The following PRDM2 variants were observed in gnomAD, a reference collection of about 807,000 sequenced individuals.
The protein encoded by PRDM2 is PR/SET domain 2, also known as PR domain zinc finger protein 2.
PRDM2 carries 30 observed loss-of-function variants against 130.0 expected under a neutral mutation model. The observed-to-expected ratio is 0.23, with a 90% CI of 0.17 to 0.31. The LOEUF is 0.31. Among genes scored for constraint, PRDM2 ranks in the 10% least tolerant of loss-of-function variants. The pLI, the probability that PRDM2 is intolerant of heterozygous loss-of-function variation, is 1.00. For synonymous variants in PRDM2, 871 were observed against 782.4 expected (o/e 1.11, Z -1.89); for missense variants, 2,011 against 2,108.4 (o/e 0.95, Z 0.90).
At chr1:13,777,861 G>A (rs1234509927) in intron 7 of PRDM2, among the ~76,000 whole-genome samples, 2 of 151,694 alleles carry the variant, frequency 1.3e-5, no homozygotes, top group East Asian at 3.9e-4. Context: ...TGTCTAGCTT[G>A]AAAAACTTGT....
rs776077953 is a variant in PRDM2, at chr1:13,749,454, C to T, written c.478C>T (p.Arg160Trp). Residue 160 changes from arginine to tryptophan, a missense_variant, in exon 6 of 10, where the codon CGG becomes TGG. By Grantham distance (101) the Arg-to-Trp change is moderately radical (BLOSUM62 -3). This residue lies in a region of PRDM2 where 1,288 missense variants were observed against 1,237.7 expected (regional missense o/e 1.04). Coordinates refer to ENST00000311066, the MANE Select transcript of PRDM2 (RefSeq NM_001393986.1). Reference sequence around the variant, plus strand: ...GATTGAGGAAGAGCGAGCCAGCGCCCGGAGCAAGCGGAGCTCCCCCAAGAG... The same window carrying T: ...GATTGAGGAAGAGCGAGCCAGCGCCTGGAGCAAGCGGAGCTCCCCCAAGAG... ...AAIEEERASA[R>W]SKRSSPKSRK... The T allele has an allele frequency of 2.0e-6, 3 of 1,499,602 alleles. No homozygotes were observed. The highest frequency in any genetic ancestry group is 2.7e-6 in the Non-Finnish European group (3 of 1,111,504). The allele number at this position is 1,499,602 out of a possible 1,614,324, so 92.9% of individuals were successfully genotyped here.
At chr1:13,817,301 A>G (rs1222904397) in intron 9 of PRDM2, among the ~76,000 whole-genome samples, 1 of 152,252 alleles carries the variant, frequency 6.6e-6, no homozygotes, top group African/African-American at 2.4e-5. Context: ...CATTTCAGAC[A>G]AGGGATATGT....
At chr1:13,784,664 C>T (rs934905739) in intron 8 of PRDM2, among the ~76,000 whole-genome samples, 1 of 152,170 alleles carries the variant, frequency 6.6e-6, no homozygotes, top group Admixed American at 6.5e-5. Flanking sequence ...CTCTTCTTTG[C>T]CCCAGTTCAT....
At position 13,816,544 on chromosome 1, in the gene PRDM2, G is replaced by C; in HGVS notation, c.5154G>C (p.Glu1718Asp). The C allele has an allele frequency of 8.1e-6, 13 of 1,614,172 alleles. No homozygotes were observed. The highest frequency in any genetic ancestry group is 1.3e-5 in the African/African-American group (1 of 75,050). The change falls in exon 9 of 10, where the codon GAG becomes GAC. Residue 1718 changes from glutamate (E) to aspartate (D), a missense_variant. Glu to Asp is a conservative substitution (Grantham distance 45, BLOSUM62 2). Coordinates refer to ENST00000311066, the MANE Select transcript of PRDM2 (RefSeq NM_001393986.1). ...AAQFQGPFFKE is the reference protein window; with the variant it reads ...AAQFQGPFFKD ...AGTTCCAGGGACCATTCTTCAAAGA[G>C]TAGACACTCTGGCTGCTCCCTGACA...
intron 4 of PRDM2, among the ~76,000 whole-genome samples, chr1:13,740,496 C>T (rs1386989438): frequency 2.0e-5 from 3 of 152,160 alleles, no homozygotes; most frequent in Non-Finnish European, 4.4e-5. Flanking sequence ...CTACAGTGCA[C>T]CTTCTAGCAT....
At chr1:13,708,898 T>A (rs1001162876) in intron 1 of PRDM2, among the ~76,000 whole-genome samples, 1 of 152,214 alleles carries the variant, frequency 6.6e-6, no homozygotes, top group African/African-American at 2.4e-5. Flanking sequence ...ATCTCCTTAT[T>A]CTTAACGTAT....
rs16852849 is a variant in PRDM2 at position 13,708,508 on chromosome 1, C to G, written c.-65-7033C>G. The stretch of plus-strand genomic sequence containing the variant: ...TACATGGAAACTGTGTTATTAGTAT[C>G]AGATCGTCCCACCTGGAGTAAACTC... On this transcript the variant is annotated intron_variant, in intron 1 of 9. Coordinates refer to ENST00000311066, the MANE Select transcript of PRDM2 (RefSeq NM_001393986.1). Among the ~76,000 whole-genome samples the G allele has an allele frequency of 8.4e-3, 1,276 of 152,198 alleles. 19 individuals are homozygous for G. The highest frequency in any genetic ancestry group is 0.029 in the African/African-American group (1,206 of 41,516).
intron 7 of PRDM2, among the ~76,000 whole-genome samples, chr1:13,775,828 A>T (rs577683644): frequency 3.4e-4 from 52 of 152,192 alleles, no homozygotes; most frequent in Middle Eastern, 3.4e-3. Context: ...CTGCTCTGCC[A>T]GTCTTGCTCC....
chr1:13,733,886 G>GT (rs1412813559), intron 4 of PRDM2, among the ~76,000 whole-genome samples: 1 of 152,132 alleles, frequency 6.6e-6, no homozygotes, highest in East Asian at 1.9e-4. Flanking sequence ...AATCACATCT[G>GT]TTTTTTCACA....
chr1:13,795,303 G>T (rs888213832), intron 8 of PRDM2, among the ~76,000 whole-genome samples: 3 of 152,148 alleles, frequency 2.0e-5, no homozygotes, highest in African/African-American at 7.2e-5. Flanking sequence ...ATCTTCAAAA[G>T]AGCCCTATGA....
intron 8 of PRDM2, among the ~76,000 whole-genome samples, chr1:13,784,483 G>C (rs1644693520): frequency 6.6e-6 from 1 of 152,098 alleles, no homozygotes; most frequent in Admixed American, 6.6e-5. Context: ...TTTTGTACTT[G>C]GCCCTACTTA....
intron 4 of PRDM2, among the ~76,000 whole-genome samples, chr1:13,740,294 C>T (rs1467895731): frequency 6.6e-6 from 1 of 152,150 alleles, no homozygotes; most frequent in African/African-American, 2.4e-5. Context: ...GTGTTTGTCT[C>T]CGTAGTCTCA....
In PRDM2 at chr1:13,761,630, C is replaced by T. The variant is rs576190538; in HGVS notation, c.512-11448C>T. Among the ~76,000 whole-genome samples, 248 of 152,180 alleles carry T rather than the reference C, an allele frequency of 1.6e-3. 4 individuals are homozygous for T. The South Asian group carries it at 0.036, about 22-fold the overall frequency. On this transcript the variant is annotated intron_variant, in intron 6 of 9. Transcript: ENST00000311066. ...TGTTGTCTACCAAATGTTGTGTTTA[C>T]GTCCGTTTGTGACTGGGGAGAAGGG...
chr1:13,735,600 A>G (rs1221387040), intron 4 of PRDM2, among the ~76,000 whole-genome samples: 1 of 152,014 alleles, frequency 6.6e-6, no homozygotes, highest in Non-Finnish European at 1.5e-5. Flanking sequence ...GGCAAAATTG[A>G]GCAGACAGTA....
Position 13,782,634 on chromosome 1 carries a change from G to A in PRDM2, c.4839G>A (p.Val1613=). 1 of 1,614,188 alleles carries A rather than the reference G, an allele frequency of 6.2e-7. No homozygotes were observed. Among genetic ancestry groups the A allele is most frequent in the Non-Finnish European group, 8.5e-7 (1 of 1,180,048 alleles). The change falls in exon 8 of 10, where the codon GTG becomes GTA. Residue 1613 remains valine, a synonymous_variant. Transcript: ENST00000311066. The part of the protein sequence containing the change: ...LSSKTSRSLH[V]RVQKSKAVLQ... ...GCAAAACATCACGGAGCCTGCACGT[G>A]AGGGTACAGAAAAGCAAAGCTGTTT... is the stretch of plus-strand genomic sequence containing the variant.
chr1:13,714,942 C>T (rs907583716), intron 1 of PRDM2, among the ~76,000 whole-genome samples: 3 of 152,138 alleles, frequency 2.0e-5, no homozygotes, highest in Admixed American at 2.0e-4. Flanking sequence ...ATAATTTTGT[C>T]TTTTTATTTT....
At chr1:13,711,779 A>G (rs1012560366) in intron 1 of PRDM2, among the ~76,000 whole-genome samples, 7 of 152,156 alleles carry the variant, frequency 4.6e-5, no homozygotes, top group Non-Finnish European at 8.8e-5. Context: ...GGAGAGAGGA[A>G]AAAATGAGAG....
chr1:13,749,532 G>A, intron 6 of PRDM2, 45 bp downstream of exon 6: 4 of 1,178,356 alleles, frequency 3.4e-6, no homozygotes, highest in Non-Finnish European at 4.3e-6. Flanking sequence ...CGCCACGCCC[G>A]CCCAGGACGC....
rs1642493150 is a variant in PRDM2, at chr1:13,715,150, T to C, written c.-65-391T>C. On this transcript the variant is annotated intron_variant, in intron 1 of 9. Coordinates refer to ENST00000311066, the MANE Select transcript of PRDM2 (RefSeq NM_001393986.1). ...AACAGAATAATGTAATGGGGTCTAA[T>C]GGTGTTTACGTACAACACAGTATTG... is the stretch of plus-strand genomic sequence containing the variant. Among the ~76,000 whole-genome samples, 2 of 152,242 alleles carry C rather than the reference T, an allele frequency of 1.3e-5. 1 individual carries two copies. Among genetic ancestry groups the C allele is most frequent in the African/African-American group, 4.8e-5 (2 of 41,472 alleles).
Sources: allele counts gnomAD v4.1 joint callset (sites outside exome capture counted in the v4.1 genomes callset), GRCh38; gene constraint gnomAD v4.1.1; regional missense constraint gnomAD v4.1.1; transcripts MANE v1.5; gene names NCBI Gene and HGNC (gene_info 2026-07-23, HGNC 2026-07-21).